The following C6 variants were observed in gnomAD, a reference collection of about 807,000 sequenced individuals.
C6 encodes complement component C6.
Under a neutral mutation model 112.9 loss-of-function variants are expected in C6, and 101 were observed. The observed-to-expected ratio is 0.89, with a 90% CI of 0.76 to 1.06. C6 has a LOEUF of 1.06. Ranked by LOEUF, C6 falls within the 50% of genes least tolerant of loss-of-function variation. The pLI is 0.00. For missense variants in C6, 1,202 were observed against 1,104.6 expected, an observed-to-expected ratio of 1.09 and a Z score of -1.25; for synonymous variants, 431 against 384.1, an observed-to-expected ratio of 1.12 and a Z score of -1.43.
At chr5:41,223,945 T>C (rs1408658993) in intron 1 of C6, among the ~76,000 whole-genome samples, 1 of 152,196 alleles carries the variant, frequency 6.6e-6, no homozygotes, top group African/African-American at 2.4e-5. Flanking sequence ...TTGACAATTT[T>C]GAACAATAAA....
At chr5:41,257,396 C>A (rs1419974307) in intron 1 of C6, among the ~76,000 whole-genome samples, 2 of 151,812 alleles carry the variant, frequency 1.3e-5, no homozygotes, top group Non-Finnish European at 2.9e-5. Context: ...ATATGTATAC[C>A]ACATTTTCTT....
At chr5:41,158,581 C>T (rs1315120230) in intron 13 of C6, 93 bp downstream of exon 13, 5 of 749,838 alleles carry the variant, frequency 6.7e-6, no homozygotes, top group East Asian at 2.6e-5. Flanking sequence ...GGAGATTATT[C>T]GAATAGGAAA....
rs1370672419 is a variant in C6 at position 41,142,875 on chromosome 5, A to G, written c.2755T>C (p.Cys919Arg). ...AGTATTTCCATCTTCCTGTTTGCAC[A>G]TCTTATAGTTCCCACTTCACAGATG... is the stretch of plus-strand genomic sequence containing the variant. Reference protein sequence around the residue: ...LNICEVGTIRCANRKMEILHP... With the variant: ...LNICEVGTIRRANRKMEILHP... The change falls in exon 18 of 18, where the codon TGT becomes CGT. Residue 919 changes from cysteine to arginine, a missense_variant. By Grantham distance (180) the Cys-to-Arg change is radical. Transcript: ENST00000337836. The G allele has an allele frequency of 6.2e-7, 1 of 1,613,664 alleles. No individual in the cohort carries two copies. The highest frequency in any genetic ancestry group is 1.3e-5 in the African/African-American group (1 of 75,018).
At chr5:41,174,055 G>A (rs59800950) in intron 8 of C6, among the ~76,000 whole-genome samples, 3,298 of 152,074 alleles carry the variant, frequency 0.022, 125 homozygotes, top group African/African-American at 0.075. Flanking sequence ...TAATTAAATT[G>A]TATGTGTCCA....
intron 1 of C6, among the ~76,000 whole-genome samples, chr5:41,225,320 T>G (rs1355357061): frequency 4.1e-4 from 1 of 2,410 alleles, no homozygotes; most frequent in South Asian, 7.2e-3. Flanking sequence ...GCAGTGTTTG[T>G]TTTTTTTTGT....
chr5:41,158,700 C>A lies in C6; in HGVS notation c.1942G>T (p.Val648Phe), dbSNP rs764044732. Residue 648 changes from valine to phenylalanine, a missense_variant, in exon 13 of 18, where the codon GTT becomes TTT. Coordinates refer to ENST00000337836, the MANE Select transcript of C6 (RefSeq NM_000065.5). ...IEADSGCPQP[V>F]PPENGFIRNE... is the part of the protein sequence containing the mutation. ...CGGATAAATCCATTTTCTGGAGGAA[C>A]TGGCTGAGGACACCCGGAATCTGCT... 1.9e-6 allele frequency: 3 copies of A among 1,609,490 alleles called. No individual in the cohort carries two copies. Among genetic ancestry groups the A allele is most frequent in the East Asian group, 4.5e-5 (2 of 44,836 alleles).
intron 9 of C6, among the ~76,000 whole-genome samples, chr5:41,168,295 G>A (rs1748142409): frequency 6.6e-6 from 1 of 152,180 alleles, no homozygotes; most frequent in Admixed American, 6.5e-5. Flanking sequence ...CCAAGAGGTG[G>A]AAGTGGGCCA....
At chr5:41,168,551 A>G (rs1748167266) in intron 9 of C6, among the ~76,000 whole-genome samples, 1 of 152,152 alleles carries the variant, frequency 6.6e-6, no homozygotes, top group South Asian at 2.1e-4. Context: ...TTAGATGAGA[A>G]ATTATTAGAT....
chr5:41,186,421 G>C (rs1475064475), intron 5 of C6: 6 of 573,520 alleles, frequency 1.0e-5, no homozygotes, highest in Non-Finnish European at 1.9e-5. Context: ...GGCTCTATTA[G>C]GTTCTCCTAT....
chr5:41,150,475 G>A (rs1746282884), intron 15 of C6, among the ~76,000 whole-genome samples: 1 of 152,012 alleles, frequency 6.6e-6, no homozygotes, highest in Admixed American at 6.6e-5. Context: ...GCCTTTCTTA[G>A]GGCTATCAAA....
chr5:41,164,304 T>C (rs1561115737), intron 9 of C6, among the ~76,000 whole-genome samples: 1 of 152,194 alleles, frequency 6.6e-6, no homozygotes, highest in African/African-American at 2.4e-5. Context: ...GACTGACATG[T>C]TCCTGGAAGG....
At position 41,244,823 on chromosome 5, in the gene C6, T is replaced by C. The variant is rs374934404; in HGVS notation, c.-21+16371A>G. Among the ~76,000 whole-genome samples, 6 of 152,232 alleles carry C rather than the reference T, an allele frequency of 3.9e-5. No individual in the cohort carries two copies. The East Asian group carries it at 1.2e-3, about 29-fold the overall frequency. On this transcript the variant is annotated intron_variant, in intron 1 of 17. Coordinates refer to the C6 transcript ENST00000263413. ...AGGATCAGGATATTACCTTATCTTC[T>C]TAATTTTCTGAGAGTTTTAAATCAT...
At chr5:41,161,605 G>T in intron 10 of C6, 88 bp downstream of exon 10, 1 of 1,080,392 alleles carries the variant, frequency 9.3e-7, no homozygotes, top group Non-Finnish European at 1.4e-6. Flanking sequence ...TGTCTGAGAA[G>T]AAAATGGAAA....
At chr5:41,228,574 G>T (rs1739676061) in intron 1 of C6, among the ~76,000 whole-genome samples, 1 of 152,130 alleles carries the variant, frequency 6.6e-6, no homozygotes, top group African/African-American at 2.4e-5. Flanking sequence ...TGTTGAGTAT[G>T]ATTTTAGCTG....
intron 1 of C6, among the ~76,000 whole-genome samples, chr5:41,220,395 G>A (rs896411104): frequency 1.4e-4 from 21 of 152,040 alleles, no homozygotes; most frequent in African/African-American, 5.1e-4. Flanking sequence ...GCTCTCTGGT[G>A]GAACTTGTTT....
At chr5:41,207,254 T>C (rs183887892) in intron 1 of C6, among the ~76,000 whole-genome samples, 5 of 152,274 alleles carry the variant, frequency 3.3e-5, no homozygotes, top group Admixed American at 3.3e-4. Flanking sequence ...GAAAAACTGG[T>C]ACCAGCCACT....
At chr5:41,257,048 G>T in intron 1 of C6, among the ~76,000 whole-genome samples, 1 of 151,854 alleles carries the variant, frequency 6.6e-6, no homozygotes, top group African/African-American at 2.4e-5. Context: ...TTTTATTTTA[G>T]GTTCAGTGAT....
At chr5:41,160,489 T>A in intron 10 of C6, 122 bp from the exon 11 acceptor site, 1 of 774,604 alleles carries the variant, frequency 1.3e-6, no homozygotes, top group Non-Finnish European at 2.3e-6. Flanking sequence ...AAGGGATTAT[T>A]GCAGAATATA....
At chr5:41,209,317 A>T (rs1316114877) in intron 1 of C6, among the ~76,000 whole-genome samples, 1 of 152,180 alleles carries the variant, frequency 6.6e-6, no homozygotes, top group Non-Finnish European at 1.5e-5. Context: ...GCACAAGACA[A>T]GGATTCCCTC....
Sources: allele counts gnomAD v4.1 joint callset (sites outside exome capture counted in the v4.1 genomes callset), GRCh38; gene constraint gnomAD v4.1.1; transcripts MANE v1.5; gene names NCBI Gene and HGNC (gene_info 2026-07-23, HGNC 2026-07-21).